Variants in NALF1 observed in about 807,000 individuals in gnomAD.
NALF1 encodes the protein NALCN channel auxiliary factor 1.
In NALF1, 3 loss-of-function variants were observed where a neutral mutation model predicts 48.4. The ratio of observed to expected loss-of-function variants is 0.06; its 90% CI spans 0.03 to 0.16. The LOEUF (loss-of-function observed/expected upper bound fraction) is 0.16. Ranked by LOEUF, NALF1 falls within the 10% of genes least tolerant of loss-of-function variation. The pLI, the probability that NALF1 is intolerant of heterozygous loss-of-function variation, is 1.00. For synonymous variants in NALF1, 262 were observed against 245.7 expected, an observed-to-expected ratio of 1.07 and a Z score of -0.62; for missense variants, 526 against 571.5, an observed-to-expected ratio of 0.92 and a Z score of 0.81.
At chr13:107,722,315 T>A (rs1876010600) in intron 1 of NALF1, among the ~76,000 whole-genome samples, 1 of 152,206 alleles carries the variant, frequency 6.6e-6, no homozygotes, top group Non-Finnish European at 1.5e-5. Context: ...GTTAACTTCA[T>A]TTCATAGAAT....
At chr13:107,569,422 A>G (rs1877916746) in intron 1 of NALF1, among the ~76,000 whole-genome samples, 1 of 151,954 alleles carries the variant, frequency 6.6e-6, no homozygotes, top group Non-Finnish European at 1.5e-5. Flanking sequence ...CAGTGAGCCG[A>G]GATGGCGCCA....
chr13:107,408,670 AT>A (rs2096881944), intron 1 of NALF1, among the ~76,000 whole-genome samples: 1 of 152,126 alleles, frequency 6.6e-6, no homozygotes, highest in Admixed American at 6.6e-5. Flanking sequence ...CATCAGCTTA[AT>A]GAAAAGTCAT....
rs926397659 is a variant in NALF1, at chr13:107,210,773, A to T, written c.916-18T>A. On this transcript the variant is annotated intron_variant, in intron 1 of 2. Transcript: ENST00000375915. ...TAGACAATCTGAAAAAAAGAGAAGA[A>T]TGAAAAATATAGAGGCGTGACAACA... 18 of 1,588,638 alleles carry T rather than the reference A, an allele frequency of 1.1e-5. No homozygotes were observed. The highest frequency in any genetic ancestry group is 1.6e-5 in the Non-Finnish European group (18 of 1,157,290).
chr13:107,634,525 G>A (rs1207751442), intron 1 of NALF1, among the ~76,000 whole-genome samples: 2 of 152,098 alleles, frequency 1.3e-5, no homozygotes, highest in African/African-American at 2.4e-5. Flanking sequence ...AGAAGCTTAG[G>A]AGAAGGGGAA....
intron 1 of NALF1, among the ~76,000 whole-genome samples, chr13:107,330,319 T>C (rs1012201768): frequency 6.6e-6 from 1 of 152,252 alleles, no homozygotes; most frequent in African/African-American, 2.4e-5. Flanking sequence ...GAGAAATATA[T>C]GAGCACATTG....
At position 107,783,419 on chromosome 13, in the gene NALF1, A is replaced by C. The variant is rs550675900; in HGVS notation, c.915+82263T>G. Among the ~76,000 whole-genome samples the C allele has an allele frequency of 4.6e-5, 7 of 152,282 alleles. No homozygotes were observed. The East Asian group carries it at 1.4e-3, about 30-fold the overall frequency. On this transcript the variant is annotated intron_variant, in intron 1 of 2. Transcript: ENST00000375915. ...GACAATGGTGGTTTTGTGGAATAGA[A>C]AGCGGGGAAAGGCAGGGAAAGGATT...
chr13:107,725,851 C>T (rs112366341), intron 1 of NALF1, among the ~76,000 whole-genome samples: 21 of 152,322 alleles, frequency 1.4e-4, no homozygotes, highest in African/African-American at 4.8e-4. Flanking sequence ...CAAGGAAATT[C>T]AACCGTTTTG....
chr13:107,462,811 G>A (rs1240396867), intron 1 of NALF1, among the ~76,000 whole-genome samples: 1 of 152,228 alleles, frequency 6.6e-6, no homozygotes, highest in African/African-American at 2.4e-5. Context: ...TTCACTGGGA[G>A]ACGGTAACTG....
chr13:107,186,380 T>A (rs745859053), intron 2 of NALF1, among the ~76,000 whole-genome samples: 16 of 152,160 alleles, frequency 1.1e-4, no homozygotes, highest in South Asian at 2.1e-4. Flanking sequence ...TTTATTTATT[T>A]ATTTTTGAGA....
chr13:107,288,013 T>A (rs1881533112), intron 1 of NALF1, among the ~76,000 whole-genome samples: 1 of 151,634 alleles, frequency 6.6e-6, no homozygotes, highest in Admixed American at 6.6e-5. Flanking sequence ...TGGCCATGTT[T>A]CTGTGTCTTC....
At chr13:107,639,228 G>A (rs1180274063) in intron 1 of NALF1, among the ~76,000 whole-genome samples, 1 of 152,146 alleles carries the variant, frequency 6.6e-6, no homozygotes, top group African/African-American at 2.4e-5. Context: ...AAAGTCTAAT[G>A]CCATTCCCCT....
intron 1 of NALF1, among the ~76,000 whole-genome samples, chr13:107,726,509 G>C (rs1352290656): frequency 1.3e-5 from 2 of 151,886 alleles, no homozygotes; most frequent in African/African-American, 4.8e-5. Flanking sequence ...GTGATGTAAA[G>C]AAAGGCTCTT....
intron 1 of NALF1, among the ~76,000 whole-genome samples, chr13:107,505,056 AGG>A (rs1875650316): frequency 6.6e-6 from 1 of 151,894 alleles, no homozygotes; most frequent in African/African-American, 2.4e-5. Context: ...GAAGCAGTAA[AGG>A]CTATGGAGAG....
chr13:107,691,541 T>C (rs1454468652), intron 1 of NALF1, among the ~76,000 whole-genome samples: 1 of 152,212 alleles, frequency 6.6e-6, no homozygotes, highest in Non-Finnish European at 1.5e-5. Context: ...AAATCAGTTT[T>C]TCTTAACACC....
Position 107,340,475 on chromosome 13 carries a change from T to C in NALF1, c.916-129720A>G, listed in dbSNP as rs797015707. Among the ~76,000 whole-genome samples, 54 of 52,310 alleles carry C rather than the reference T, an allele frequency of 1.0e-3. 1 individual carries two copies. Among genetic ancestry groups the C allele is most frequent in the African/African-American group, 1.9e-3 (48 of 25,328 alleles). The allele number at this position is 52,310 out of a possible 152,430, so 34.3% of individuals were successfully genotyped here. On this transcript the variant is annotated intron_variant, in intron 1 of 2. Coordinates refer to ENST00000375915, the MANE Select transcript of NALF1 (RefSeq NM_001080396.3). ...CTTTCTTTCTTTCTTTCTTCTCTCT[T>C]TCTTTCTTTCTTTTTGTCTTTCTTT...
chr13:107,617,530 C>T (rs1879411231), intron 1 of NALF1, among the ~76,000 whole-genome samples: 1 of 152,004 alleles, frequency 6.6e-6, no homozygotes, highest in Non-Finnish European at 1.5e-5. Flanking sequence ...AATCTGTTCT[C>T]AAAAATAAAA....
intron 1 of NALF1, among the ~76,000 whole-genome samples, chr13:107,268,879 T>C (rs1881097429): frequency 6.6e-6 from 1 of 152,208 alleles, no homozygotes; most frequent in Non-Finnish European, 1.5e-5. Flanking sequence ...TTTTAGGGCA[T>C]TAAAACCATA....
At chr13:107,443,860 C>T (rs1884606228) in intron 1 of NALF1, among the ~76,000 whole-genome samples, 1 of 152,048 alleles carries the variant, frequency 6.6e-6, no homozygotes, top group African/African-American at 2.4e-5. Flanking sequence ...GCTTAATGTG[C>T]TTAGCATAAT....
At chr13:107,452,763 A>G (rs1401369256) in intron 1 of NALF1, among the ~76,000 whole-genome samples, 1 of 152,194 alleles carries the variant, frequency 6.6e-6, no homozygotes, top group Non-Finnish European at 1.5e-5. Flanking sequence ...GTCTCTTCTG[A>G]GACCATAAGC....
Sources: gnomAD v4.1 joint callset for allele counts (sites outside exome capture counted in the v4.1 genomes callset) on GRCh38, gnomAD v4.1.1 for gene constraint, MANE v1.5 for transcripts, NCBI Gene and HGNC (gene_info 2026-07-23, HGNC 2026-07-21) for gene names.